The following FGD1 variants were observed in gnomAD, a reference collection of about 807,000 sequenced individuals.
FGD1 encodes FYVE, RhoGEF and PH domain containing 1, also known as FYVE, RhoGEF and PH domain-containing protein 1.
A neutral mutation model predicts 65.0 loss-of-function variants in FGD1; 12 were observed. The observed-to-expected ratio is 0.18, with a 90% CI of 0.12 to 0.30. The LOEUF (loss-of-function observed/expected upper bound fraction) is 0.30, where lower values mean the gene tolerates loss of function less well. Among genes scored for constraint, FGD1 ranks in the 10% least tolerant of loss-of-function variants. The pLI is 1.00. For missense variants in FGD1, 542 were observed against 837.6 expected, an observed-to-expected ratio of 0.65 and a Z score of 4.36; for synonymous variants, 333 against 343.9, an observed-to-expected ratio of 0.97 and a Z score of 0.35.
At chrX:54,485,308 CCTCTCAGGATG>C (rs1375786912) in intron 1 of FGD1, among the ~76,000 whole-genome samples, 1 of 111,286 alleles carries the variant, frequency 9.0e-6, no homozygotes, top group Non-Finnish European at 1.9e-5. Context: ...CCCTCACTGG[CCTCTCAGGATG>C]CCCTCAACAG....
chrX:54,456,056 G>A (rs763527521), intron 10 of FGD1, among the ~76,000 whole-genome samples, 164 bp downstream of exon 10: 47 of 112,079 alleles, frequency 4.2e-4, no homozygotes, highest in Admixed American at 4.0e-3. Context: ...AATACAATTC[G>A]TTACTAGAGG....
intron 1 of FGD1, among the ~76,000 whole-genome samples, chrX:54,485,249 C>A (rs1023013503): frequency 9.0e-6 from 1 of 111,144 alleles, no homozygotes; most frequent in Non-Finnish European, 1.9e-5. Context: ...GCAGACCCCA[C>A]GATCCCCTCC....
In FGD1 at chrX:54,465,587, C is replaced by T. The variant is rs1268877807; in HGVS notation, c.1500G>A (p.Lys500=). Residue 500 remains lysine, a splice_region_variant and synonymous_variant, in exon 8 of 18, where the codon AAG becomes AAA. Coordinates refer to ENST00000375135, the MANE Select transcript of FGD1 (RefSeq NM_004463.3). ...ATGTCAGGTTGCCACAGGCTTCCTCCTTCTGTGACAGGCAGAAGCAGAGGG... is the reference window on the plus strand; with the variant it reads ...ATGTCAGGTTGCCACAGGCTTCCTCTTTCTGTGACAGGCAGAAGCAGAGGG... ...QFKVIIHEVQ[K]EEACGNLTLQ... 4 of 1,207,286 alleles carry T rather than the reference C, an allele frequency of 3.3e-6. No individual in the cohort carries two copies. Among genetic ancestry groups the T allele is most frequent in the Non-Finnish European group, 4.5e-6 (4 of 894,095 alleles).
At chrX:54,468,081 A>C in intron 5 of FGD1, 149 bp from the exon 6 acceptor site, 1 of 515,164 alleles carries the variant, frequency 1.9e-6, no homozygotes, top group Non-Finnish European at 3.3e-6. Flanking sequence ...TTAGGGTTAT[A>C]TATTGGGGAG....
chrX:54,470,045 G>T lies in FGD1; in HGVS notation c.1072C>A (p.Pro358Thr). 8.3e-7 allele frequency: 1 copy of T among 1,210,584 alleles called. No homozygotes were observed. Among genetic ancestry groups the T allele is most frequent in the Non-Finnish European group, 1.1e-6 (1 of 894,921 alleles). The stretch of plus-strand genomic sequence containing the variant: ...ACAGACTCCTGTCTCTCCATCAGGG[G>T]CACTGGGATTTCTCTGTCCTTCTCT... ...EEEKDREIPV[P>T]LMERQESVEL... is the part of the protein sequence containing the mutation. Residue 358 changes from proline (P) to threonine (T), a missense_variant, in exon 4 of 18, where the codon CCC becomes ACC. By Grantham distance (38) the Pro-to-Thr change is conservative. Coordinates refer to ENST00000375135, the MANE Select transcript of FGD1 (RefSeq NM_004463.3).
Position 54,456,340 on chromosome X carries a change from T to A in FGD1, c.1722A>T (p.Val574=). 1 of 1,211,645 alleles carries A rather than the reference T, an allele frequency of 8.3e-7. No individual in the cohort carries two copies. Among genetic ancestry groups the A allele is most frequent in the South Asian group, 1.8e-5 (1 of 56,975 alleles). Residue 574 remains valine (V), a synonymous_variant, in exon 10 of 18, where the codon GTA becomes GTT. Transcript: ENST00000375135. ...KMERMHKLLK[V]YELLGGEEDI... ...CCTCCTCGCCCCCTAACAGCTCATA[T>A]ACCTTCAGCAGCTTATGCATTCGCT...
chrX:54,451,149 G>C (rs981859680), intron 12 of FGD1, among the ~76,000 whole-genome samples: 21 of 111,057 alleles, frequency 1.9e-4, no homozygotes, highest in African/African-American at 6.6e-4. Context: ...CACTCTCTGG[G>C]TTCTCAGCAG....
At chrX:54,462,667 T>C (rs1922663785) in intron 8 of FGD1, among the ~76,000 whole-genome samples, 1 of 109,098 alleles carries the variant, frequency 9.2e-6, no homozygotes, top group African/African-American at 3.3e-5. Context: ...GCTAGGATTA[T>C]AGGCGTGAGC....
At chrX:54,455,942 T>C (rs962116608) in intron 10 of FGD1, among the ~76,000 whole-genome samples, 158 bp from the exon 11 acceptor site, 4 of 112,192 alleles carry the variant, frequency 3.6e-5, no homozygotes, top group Admixed American at 9.4e-5. Context: ...AGCCTAGGCA[T>C]GGAAGACACT....
intron 16 of FGD1, among the ~76,000 whole-genome samples, chrX:54,447,718 C>T (rs1922263239): frequency 8.9e-6 from 1 of 112,511 alleles, no homozygotes; most frequent in Non-Finnish European, 1.9e-5. Flanking sequence ...GGCATTCTTT[C>T]TTCAGTCAGA....
chrX:54,449,203 G>C lies in FGD1; in HGVS notation c.2214C>G (p.Arg738=). 1 of 1,211,884 alleles carries C rather than the reference G, an allele frequency of 8.3e-7. No homozygotes were observed. The highest frequency in any genetic ancestry group is 3.0e-5 in the East Asian group (1 of 33,831). ...TGATAGAATTGAAGGGCTCCTGGCA[G>C]CGCATGCACATGGTGACTTCCTTTT... is the stretch of plus-strand genomic sequence containing the variant. ...IREKEVTMCM[R]CQEPFNSITK... is the part of the protein sequence containing the mutation. The change falls in exon 15 of 18, where the codon CGC becomes CGG. Residue 738 remains arginine, a synonymous_variant. Coordinates refer to ENST00000375135, the MANE Select transcript of FGD1 (RefSeq NM_004463.3).
At chrX:54,473,676 T>G (rs942936260) in intron 1 of FGD1, among the ~76,000 whole-genome samples, 5 of 112,708 alleles carry the variant, frequency 4.4e-5, no homozygotes, top group Non-Finnish European at 9.4e-5. Context: ...ATAAGTAATC[T>G]GGCGATGATT....
intron 8 of FGD1, among the ~76,000 whole-genome samples, chrX:54,464,177 G>A (rs1257972654): frequency 1.1e-5 from 1 of 92,959 alleles, no homozygotes; most frequent in Non-Finnish European, 2.0e-5. Flanking sequence ...CTGTTGCCCA[G>A]GCTGAAGTGT....
intron 13 of FGD1, 58 bp from the exon 14 acceptor site, chrX:54,449,818 A>G: frequency 1.2e-6 from 1 of 846,901 alleles, no homozygotes; most frequent in African/African-American, 2.0e-5. Context: ...ACCCATTTCT[A>G]CCCTCGCCTC....
chrX:54,491,708 C>T (rs1452837507), intron 1 of FGD1, among the ~76,000 whole-genome samples: 1 of 112,040 alleles, frequency 8.9e-6, no homozygotes, highest in Non-Finnish European at 1.9e-5. Flanking sequence ...TTGTCAACCC[C>T]AAGATTCTGG....
intron 15 of FGD1, 85 bp downstream of exon 15, chrX:54,449,057 CA>C: frequency 8.3e-7 from 1 of 1,202,318 alleles, no homozygotes; most frequent in Admixed American, 2.2e-5. Flanking sequence ...GGCCTCCCCC[CA>C]CTTGGAGGGT....
At chrX:54,450,202 G>T in intron 13 of FGD1, 69 bp downstream of exon 13, 1 of 1,046,965 alleles carries the variant, frequency 9.6e-7, no homozygotes, top group Non-Finnish European at 1.3e-6. Flanking sequence ...TTTTGAGGGA[G>T]AATCTATCAA....
In FGD1 at chrX:54,495,307, C is replaced by G; in HGVS notation, c.126G>C (p.Leu42=). ...DSDPGASEPG[L]LARRGSGSAL... is the part of the protein sequence containing the mutation. The stretch of plus-strand genomic sequence containing the variant: ...CCGAACCTGAGCCCCTGCGCGCCAG[C>G]AGTCCGGGTTCCGAGGCTCCAGGGT... The change falls in exon 1 of 18, where the codon CTG becomes CTC. Residue 42 remains leucine, a synonymous_variant. Coordinates refer to ENST00000375135, the MANE Select transcript of FGD1 (RefSeq NM_004463.3). The G allele has an allele frequency of 8.5e-7, 1 of 1,177,802 alleles. No homozygotes were observed. The highest frequency in any genetic ancestry group is 1.1e-6 in the Non-Finnish European group (1 of 880,177).
chrX:54,470,532 T>C, intron 3 of FGD1, 51 bp downstream of exon 3: 1 of 1,182,051 alleles, frequency 8.5e-7, no homozygotes. Context: ...TATCCCTTCC[T>C]GTCCCAGGCT....
Sources: gnomAD v4.1 joint callset for allele counts (sites outside exome capture counted in the v4.1 genomes callset) on GRCh38, gnomAD v4.1.1 for gene constraint, MANE v1.5 for transcripts, NCBI Gene and HGNC (gene_info 2026-07-23, HGNC 2026-07-21) for gene names.